Variants in ADAMTSL1 observed in about 807,000 individuals in gnomAD.
ADAMTSL1 encodes the protein ADAMTS like 1, also known as ADAMTS-like protein 1.
Under a neutral mutation model 201.8 loss-of-function variants are expected in ADAMTSL1, and 126 were observed. The observed-to-expected ratio is 0.62, with a 90% CI of 0.54 to 0.72. ADAMTSL1 has a LOEUF of 0.72. ADAMTSL1 is among the 30% of genes least tolerant of loss of function. ADAMTSL1 has a pLI of 0.00. For missense variants in ADAMTSL1, 2,679 were observed against 2,277.8 expected (o/e 1.18, Z -3.59); for synonymous variants, 1,121 against 903.4 (o/e 1.24, Z -4.32).
At chr9:18,904,331 T>C (rs1383407895) in intron 26 of ADAMTSL1, among the ~76,000 whole-genome samples, 7 of 152,066 alleles carry the variant, frequency 4.6e-5, no homozygotes, top group Middle Eastern at 6.8e-3. Flanking sequence ...TAGCCGGGTG[T>C]GATGGCACAT....
intron 1 of ADAMTSL1, among the ~76,000 whole-genome samples, chr9:18,151,050 C>T (rs1826886515): frequency 6.6e-6 from 1 of 152,016 alleles, no homozygotes; most frequent in Non-Finnish European, 1.5e-5. Flanking sequence ...AACCATTCAA[C>T]TCAGATTCTT....
chr9:18,654,826 G>A (rs965863458), intron 7 of ADAMTSL1, among the ~76,000 whole-genome samples: 3 of 152,214 alleles, frequency 2.0e-5, no homozygotes, highest in Admixed American at 6.5e-5. Flanking sequence ...GCATACTGAT[G>A]TATGTTCACT....
chr9:18,444,455 A>G (rs1820113121), intron 2 of ADAMTSL1, among the ~76,000 whole-genome samples: 1 of 152,160 alleles, frequency 6.6e-6, no homozygotes, highest in Non-Finnish European at 1.5e-5. Context: ...TCCAATGTTG[A>G]CTTACATGTG....
intron 4 of ADAMTSL1, among the ~76,000 whole-genome samples, chr9:18,594,794 C>G (rs900823628): frequency 6.6e-6 from 1 of 152,138 alleles, no homozygotes; most frequent in African/African-American, 2.4e-5. Context: ...CCTCTCCATC[C>G]CTTTAGGGTT....
chr9:18,285,828 C>T (rs1832970348), intron 2 of ADAMTSL1, among the ~76,000 whole-genome samples: 1 of 152,094 alleles, frequency 6.6e-6, no homozygotes, highest in African/African-American at 2.4e-5. Context: ...TTACATATAA[C>T]AGCATTATCA....
intron 2 of ADAMTSL1, among the ~76,000 whole-genome samples, chr9:18,192,772 T>C (rs1459262817): frequency 6.6e-6 from 1 of 152,116 alleles, no homozygotes; most frequent in Non-Finnish European, 1.5e-5. Context: ...ATACAATGCA[T>C]GGTTTTAGAG....
intron 16 of ADAMTSL1, among the ~76,000 whole-genome samples, chr9:18,756,129 A>C (rs2133629135): frequency 8.6e-6 from 1 of 115,884 alleles, no homozygotes. Context: ...ATATACAAAA[A>C]TTAGCCTGGT....
chr9:18,828,934 TCAAGAG>T (rs1824800311), intron 22 of ADAMTSL1, among the ~76,000 whole-genome samples: 1 of 151,820 alleles, frequency 6.6e-6, no homozygotes, highest in African/African-American at 2.4e-5. Flanking sequence ...ACCATCCATT[TCAAGAG>T]CAATACTCCT....
chr9:18,501,759 T>C (rs1048441433), intron 1 of ADAMTSL1, among the ~76,000 whole-genome samples: 5 of 152,216 alleles, frequency 3.3e-5, no homozygotes, highest in African/African-American at 1.2e-4. Flanking sequence ...GAATTATGTT[T>C]ATTCTACTTG....
intron 1 of ADAMTSL1, among the ~76,000 whole-genome samples, chr9:17,951,650 G>T (rs1340746486): frequency 3.7e-4 from 55 of 147,836 alleles, no homozygotes; most frequent in Admixed American, 1.9e-3. Flanking sequence ...CTATTGGGCT[G>T]TTGTCTCTTA....
At chr9:18,785,114 G>T (rs959855241) in intron 19 of ADAMTSL1, among the ~76,000 whole-genome samples, 1 of 151,902 alleles carries the variant, frequency 6.6e-6, no homozygotes, top group Non-Finnish European at 1.5e-5. Flanking sequence ...CAGTGAGCTG[G>T]TATCGTGCCA....
intron 20 of ADAMTSL1, among the ~76,000 whole-genome samples, chr9:18,804,463 A>G (rs1164433901): frequency 6.6e-6 from 1 of 152,244 alleles, no homozygotes; most frequent in African/African-American, 2.4e-5. Flanking sequence ...AATGCAAAAG[A>G]CATTGGGAAG....
intron 1 of ADAMTSL1, among the ~76,000 whole-genome samples, chr9:18,077,389 C>G (rs1387814715): frequency 1.3e-5 from 2 of 151,950 alleles, no homozygotes. Flanking sequence ...GAGGAGGTTG[C>G]AAAGGAGATG....
intron 9 of ADAMTSL1, among the ~76,000 whole-genome samples, chr9:18,673,128 G>A (rs540276627): frequency 5.9e-5 from 9 of 152,030 alleles, no homozygotes; most frequent in South Asian, 4.2e-4. Flanking sequence ...GTCTGAATGC[G>A]TGCATACATG....
chr9:18,588,535 A>C (rs1823670003), intron 4 of ADAMTSL1, among the ~76,000 whole-genome samples: 1 of 151,998 alleles, frequency 6.6e-6, no homozygotes, highest in African/African-American at 2.4e-5. Context: ...CTTTGCCCAG[A>C]TCCTTGTTGT....
At chr9:18,388,305 C>A (rs1022914593) in intron 2 of ADAMTSL1, among the ~76,000 whole-genome samples, 2 of 152,034 alleles carry the variant, frequency 1.3e-5, no homozygotes, top group African/African-American at 4.8e-5. Flanking sequence ...GGGTCTCACT[C>A]TGTCTTCCAG....
At chr9:18,752,254 A>C (rs1819512054) in intron 15 of ADAMTSL1, among the ~76,000 whole-genome samples, 1 of 152,196 alleles carries the variant, frequency 6.6e-6, no homozygotes, top group African/African-American at 2.4e-5. Context: ...AAAGTTAGTT[A>C]CATGTCAGAG....
intron 1 of ADAMTSL1, among the ~76,000 whole-genome samples, chr9:18,503,207 C>A (rs1822931570): frequency 6.6e-6 from 1 of 151,620 alleles, no homozygotes; most frequent in South Asian, 2.1e-4. Context: ...CTCCCCATTC[C>A]CCTCTCTCCC....
chr9:18,692,296 C>T (rs566188112), intron 13 of ADAMTSL1, among the ~76,000 whole-genome samples: 1 of 152,332 alleles, frequency 6.6e-6, no homozygotes, highest in South Asian at 2.1e-4. Context: ...GTTAAATATA[C>T]TTGATCTCCA....
Sources: gnomAD v4.1 joint callset for allele counts (sites outside exome capture counted in the v4.1 genomes callset) on GRCh38, gnomAD v4.1.1 for gene constraint, MANE v1.5 for transcripts, NCBI Gene and HGNC (gene_info 2026-07-23, HGNC 2026-07-21) for gene names.